Variants in GPHN observed in about 807,000 individuals in gnomAD.
GPHN encodes gephyrin.
GPHN carries 17 observed loss-of-function variants against 95.5 expected under a neutral mutation model. That is an observed-to-expected ratio of 0.18 (90% CI 0.12 to 0.27). The LOEUF is 0.27. GPHN is among the 10% of genes least tolerant of loss of function. The pLI, the probability that GPHN is intolerant of heterozygous loss-of-function variation, is 1.00. For synonymous variants in GPHN, 320 were observed against 322.5 expected, an observed-to-expected ratio of 0.99 and a Z score of 0.08; for missense variants, 660 against 978.1, an observed-to-expected ratio of 0.67 and a Z score of 4.34.
At chr14:66,738,012 CTT>C (rs1239307850) in intron 2 of GPHN, among the ~76,000 whole-genome samples, 1 of 152,204 alleles carries the variant, frequency 6.6e-6, no homozygotes, top group Non-Finnish European at 1.5e-5. Flanking sequence ...AATTAGAACT[CTT>C]TGGCTGCCCT....
At chr14:66,741,251 A>G (rs1400699154) in intron 2 of GPHN, among the ~76,000 whole-genome samples, 3 of 152,210 alleles carry the variant, frequency 2.0e-5, no homozygotes, top group Non-Finnish European at 4.4e-5. Flanking sequence ...TGTAAGATCT[A>G]GCAATATTTA....
At chr14:67,199,336 C>A in the GPHN span, 1 of 1,613,882 alleles carries the variant, frequency 6.2e-7, no homozygotes, top group Non-Finnish European at 8.5e-7. Context: ...CATCAGCTCA[C>A]AACAAAAACC....
chr14:66,595,035 G>T (rs142191281), intron 1 of GPHN, among the ~76,000 whole-genome samples: 1,846 of 152,210 alleles, frequency 0.012, 23 homozygotes, highest in Non-Finnish European at 0.018. Context: ...TGGCCAACAG[G>T]TTTATGAAAA....
chr14:66,941,310 T>C (rs2067416393), intron 8 of GPHN, among the ~76,000 whole-genome samples: 1 of 152,186 alleles, frequency 6.6e-6, no homozygotes. Context: ...CTTAGTCTTA[T>C]ATTTAGCCTG....
chr14:66,558,080 A>G (rs2060078985), intron 1 of GPHN, among the ~76,000 whole-genome samples: 1 of 152,124 alleles, frequency 6.6e-6, no homozygotes, highest in African/African-American at 2.4e-5. Context: ...CTCAATGAAA[A>G]TATTTTCTCT....
chr14:66,630,333 C>A (rs1017842822), intron 1 of GPHN, among the ~76,000 whole-genome samples: 3 of 151,876 alleles, frequency 2.0e-5, no homozygotes, highest in African/African-American at 7.3e-5. Context: ...TCAGATCTAT[C>A]CTGAAATAAA....
rs558024635 is a variant in GPHN, at chr14:66,645,655, A to G, written c.65-35452A>G. ...TGCAGTGAGCCAAGATCATGCCATT[A>G]TACTCCAGCTTGGGCGACAGAGTGA... On this transcript the variant is annotated intron_variant, in intron 1 of 22. Coordinates refer to ENST00000478722, the MANE Select transcript of GPHN (RefSeq NM_020806.5). Among the ~76,000 whole-genome samples the G allele has an allele frequency of 1.7e-4, 25 of 149,366 alleles. No homozygotes were observed. In the South Asian group the frequency reaches 5.0e-3, roughly 30 times the overall value.
At chr14:66,566,549 A>G (rs947180348) in intron 1 of GPHN, among the ~76,000 whole-genome samples, 6 of 152,128 alleles carry the variant, frequency 3.9e-5, no homozygotes, top group African/African-American at 1.4e-4. Flanking sequence ...TCCCTACACC[A>G]TGTTGACTTA....
chr14:67,413,183 T>C, the GPHN span, among the ~76,000 whole-genome samples: 5 of 152,254 alleles, frequency 3.3e-5, no homozygotes, highest in African/African-American at 7.2e-5. Flanking sequence ...TCAGGCCATA[T>C]TGGAGCCTGG....
intron 12 of GPHN, 111 bp from the exon 13 acceptor site, chr14:67,100,745 C>G (rs1225684570): frequency 1.3e-6 from 1 of 755,368 alleles, no homozygotes. Context: ...TTCCACTTCT[C>G]TAAGCCTTAT....
At chr14:67,265,032 C>G in the GPHN span, among the ~76,000 whole-genome samples, 2 of 151,966 alleles carry the variant, frequency 1.3e-5, no homozygotes, top group Non-Finnish European at 2.9e-5. Context: ...TGGGTTTTTA[C>G]TTTGAAGATT....
the GPHN span, chr14:67,303,505 T>C: frequency 6.3e-7 from 1 of 1,593,680 alleles, no homozygotes; most frequent in Non-Finnish European, 8.6e-7. Flanking sequence ...AAAAATAACC[T>C]GATCTTTCTA....
chr14:67,364,976 G>A, the GPHN span: 1 of 1,613,524 alleles, frequency 6.2e-7, no homozygotes, highest in South Asian at 1.1e-5. Context: ...AGGAATGAGT[G>A]TGTGGTTGTC....
chr14:67,605,828 G>A, the GPHN span, among the ~76,000 whole-genome samples: 1 of 151,894 alleles, frequency 6.6e-6, no homozygotes, highest in African/African-American at 2.4e-5. Context: ...GACCACAGGT[G>A]CGCACCCCCA....
At chr14:67,642,214 G>A in the GPHN span, 1 of 1,613,898 alleles carries the variant, frequency 6.2e-7, no homozygotes, top group African/African-American at 1.3e-5. Flanking sequence ...TTGGAGATTT[G>A]AGTTTTACTC....
At chr14:66,772,687 ATTC>A (rs1488004018) in intron 2 of GPHN, among the ~76,000 whole-genome samples, 3 of 152,346 alleles carry the variant, frequency 2.0e-5, no homozygotes, top group East Asian at 3.9e-4. Context: ...CCAATTTCAT[ATTC>A]TTCTTTAAAA....
At chr14:66,537,858 C>CG (rs1594869478) in intron 1 of GPHN, among the ~76,000 whole-genome samples, 1 of 152,144 alleles carries the variant, frequency 6.6e-6, no homozygotes, top group African/African-American at 2.4e-5. Context: ...GACAGGGTCT[C>CG]GCTCTGTTAC....
the GPHN span, chr14:67,621,102 C>T: frequency 3.8e-6 from 3 of 797,396 alleles, no homozygotes; most frequent in Non-Finnish European, 6.2e-6. Context: ...CTTTGGATTC[C>T]GTCTGCGGCT....
the GPHN span, among the ~76,000 whole-genome samples, chr14:67,475,476 A>C: frequency 6.6e-6 from 1 of 152,190 alleles, no homozygotes; most frequent in Non-Finnish European, 1.5e-5. Flanking sequence ...GCTGTTTTCC[A>C]CAGTGGCCAC....
Sources: allele counts gnomAD v4.1 joint callset (sites outside exome capture counted in the v4.1 genomes callset), GRCh38; gene constraint gnomAD v4.1.1; transcripts MANE v1.5; gene names NCBI Gene and HGNC (gene_info 2026-07-23, HGNC 2026-07-21).